The following LOXL3 variants were observed in gnomAD, a reference collection of about 807,000 sequenced individuals.
The protein encoded by LOXL3 is lysyl oxidase like 3.
A neutral mutation model predicts 91.8 loss-of-function variants in LOXL3; 60 were observed. The observed-to-expected ratio is 0.65, with a 90% CI of 0.53 to 0.81. The LOEUF (loss-of-function observed/expected upper bound fraction) is 0.81, where lower values mean the gene tolerates loss of function less well. LOXL3 is among the 30% of genes least tolerant of loss of function. The probability of loss-of-function intolerance (pLI) is 0.00; values close to 1 mark genes in which losing one functional copy is unlikely to be tolerated. For synonymous variants in LOXL3, 355 were observed against 387.6 expected (o/e 0.92, Z 0.99); for missense variants, 874 against 1,000.4 (o/e 0.87, Z 1.70).
chr2:74,544,304 A>C (rs1249182062), intron 4 of LOXL3, among the ~76,000 whole-genome samples: 4 of 151,438 alleles, frequency 2.6e-5, no homozygotes, highest in Non-Finnish European at 5.9e-5. Context: ...CCCTCTCAAA[A>C]AAACAAACAA....
chr2:74,542,771 C>T (rs948627104), intron 4 of LOXL3, among the ~76,000 whole-genome samples: 11 of 151,976 alleles, frequency 7.2e-5, no homozygotes, highest in South Asian at 4.2e-4. Context: ...ATTACAGGCA[C>T]GCACCACCAC....
chr2:74,543,433 A>G (rs1250516381), intron 4 of LOXL3, among the ~76,000 whole-genome samples: 1 of 152,190 alleles, frequency 6.6e-6, no homozygotes, highest in Admixed American at 6.5e-5. Flanking sequence ...AAAGATAATT[A>G]TCTCAGTAAA....
intron 4 of LOXL3, among the ~76,000 whole-genome samples, chr2:74,546,122 T>G (rs925504921): frequency 2.0e-5 from 3 of 152,298 alleles, no homozygotes; most frequent in Admixed American, 2.0e-4. Context: ...GCAAGTCCTA[T>G]AGCTCTGCCT....
intron 4 of LOXL3, among the ~76,000 whole-genome samples, chr2:74,547,556 G>T (rs1676669639): frequency 6.6e-6 from 1 of 152,064 alleles, no homozygotes; most frequent in Admixed American, 6.6e-5. Flanking sequence ...GTCCAGGCCA[G>T]ATAAAGTACC....
chr2:74,540,264 A>T (rs189588356), intron 4 of LOXL3, among the ~76,000 whole-genome samples: 63 of 152,338 alleles, frequency 4.1e-4, no homozygotes, highest in Non-Finnish European at 6.9e-4. Flanking sequence ...GAAATTAGCT[A>T]GGGCAGATGG....
At position 74,533,922 on chromosome 2, in the gene LOXL3, T is replaced by C; in HGVS notation, c.2148A>G (p.Lys716=). ...FTNNAMKCNC[K]YDGHRIWVHN... is the part of the protein sequence containing the mutation. Reference sequence around the variant, plus strand: ...GCACCCAGATTCTATGTCCATCATATTTGCAGTTACATTTCATTGCATTGT... The same window carrying C: ...GCACCCAGATTCTATGTCCATCATACTTGCAGTTACATTTCATTGCATTGT... Residue 716 remains lysine (K), a synonymous_variant, in exon 13 of 14, where the codon AAA becomes AAG. Coordinates refer to ENST00000264094, the MANE Select transcript of LOXL3 (RefSeq NM_032603.5). The C allele has an allele frequency of 6.2e-7, 1 of 1,614,180 alleles. No individual in the cohort carries two copies. The highest frequency in any genetic ancestry group is 8.5e-7 in the Non-Finnish European group (1 of 1,180,016).
At chr2:74,554,606 C>G (rs960451761), upstream of LOXL3, 71 of 704,630 alleles carry the variant, frequency 1.0e-4, no homozygotes, top group South Asian at 2.4e-4. This position sits in a 1 kb window ranked among gnomAD's most constrained non-coding sequence, Gnocchi z 4.9. Context: ...CATTCCTTCT[C>G]GCTCCTCTCC....
chr2:74,535,934 A>G lies in LOXL3; in HGVS notation c.1248+62T>C. The G allele has an allele frequency of 5.9e-6, 9 of 1,515,154 alleles. No individual in the cohort carries two copies. The highest frequency in any genetic ancestry group is 7.9e-6 in the Non-Finnish European group (9 of 1,138,114). The allele number at this position is 1,515,154 out of a possible 1,614,324, so 93.9% of individuals were successfully genotyped here. A position where few individuals can be genotyped will look rare whatever the true frequency, so the allele number is the denominator to read the frequency against. ...TGGGCTGGGGGCCATTGGACTGTAG[A>G]TTGGAGACCAGACCTGGATAGGATG... On this transcript the variant is annotated intron_variant, in intron 7 of 13. Transcript: ENST00000264094. This position sits in a 1 kb window ranked among gnomAD's most constrained non-coding sequence, Gnocchi z 4.2.
Position 74,536,487 on chromosome 2 carries a change from G to T in LOXL3, c.913-16C>A. The stretch of plus-strand genomic sequence containing the variant: ...GGACACGGGCCTATAGAAGAGAGAA[G>T]TGCCCAACAGAGGCAAATGGCAACA... On this transcript the variant is annotated splice_polypyrimidine_tract_variant and intron_variant, in intron 5 of 13. Coordinates refer to ENST00000264094, the MANE Select transcript of LOXL3 (RefSeq NM_032603.5). This position sits in a 1 kb window ranked among gnomAD's most constrained non-coding sequence, Gnocchi z 4.5. 1 of 1,605,724 alleles carries T rather than the reference G, an allele frequency of 6.2e-7. No individual in the cohort carries two copies. Among genetic ancestry groups the T allele is most frequent in the South Asian group, 1.1e-5 (1 of 90,606 alleles).
At chr2:74,539,746 CT>C in intron 4 of LOXL3, 1 of 152,798 alleles carries the variant, frequency 6.5e-6, no homozygotes, top group Middle Eastern at 3.4e-3. Context: ...CATCCACCTC[CT>C]GGGGCCGCAG....
chr2:74,534,011 G>T lies in LOXL3; in HGVS notation c.2077-18C>A, dbSNP rs1309871388. On this transcript the variant is annotated intron_variant, in intron 12 of 13. Transcript: ENST00000264094. ...ATGACAACCTGTGAGTGAGAAAAAG[G>T]CCACTTAACCCAGCGACAATCCTCG... is the stretch of plus-strand genomic sequence containing the variant. 6.2e-7 allele frequency: 1 copy of T among 1,612,358 alleles called. No homozygotes were observed. Among genetic ancestry groups the T allele is most frequent in the African/African-American group, 1.3e-5 (1 of 74,854 alleles).
chr2:74,544,928 C>A (rs1230745173), intron 4 of LOXL3, among the ~76,000 whole-genome samples: 1 of 152,192 alleles, frequency 6.6e-6, no homozygotes, highest in Non-Finnish European at 1.5e-5. Context: ...ATCTCTTTCC[C>A]CACGAAGAAT....
intron 13 of LOXL3, 41 bp downstream of exon 13, chr2:74,533,841 C>T: frequency 1.3e-6 from 2 of 1,534,818 alleles, no homozygotes; most frequent in Middle Eastern, 1.7e-4. Flanking sequence ...TCTTTCCCTC[C>T]CATCCCCTAA....
chr2:74,534,337 C>G lies in LOXL3; in HGVS notation c.1918G>C (p.Glu640Gln). The change falls in exon 11 of 14, where the codon GAA becomes CAA. Residue 640 changes from glutamate to glutamine, a missense_variant. Physicochemically the swap from Glu to Gln is conservative, Grantham distance 29. Coordinates refer to ENST00000264094, the MANE Select transcript of LOXL3 (RefSeq NM_032603.5). ...AEGHKASFCL[E>Q]DTECQEDVSK... is the part of the protein sequence containing the mutation. ...TCACCCTCCTGACACTCAGTGTCTTCGAGACAGAAACTAGCTTTGTGGCCC... is the reference window on the plus strand; with the variant it reads ...TCACCCTCCTGACACTCAGTGTCTTGGAGACAGAAACTAGCTTTGTGGCCC... 1 of 1,614,186 alleles carries G rather than the reference C, an allele frequency of 6.2e-7. No individual in the cohort carries two copies. The highest frequency in any genetic ancestry group is 8.5e-7 in the Non-Finnish European group (1 of 1,180,012).
chr2:74,554,771 T>TGGAA, upstream of LOXL3: 2 of 1,613,420 alleles, frequency 1.2e-6, no homozygotes, highest in Non-Finnish European at 8.5e-7. The surrounding 1 kb of genome is among the most constrained non-coding windows in gnomAD (Gnocchi z 4.9). Flanking sequence ...GGAGCAGTGA[T>TGGAA]GGAAGGGCCG....
upstream of LOXL3, chr2:74,555,525 C>G: frequency 3.1e-6 from 5 of 1,613,264 alleles, no homozygotes; most frequent in Non-Finnish European, 2.5e-6. This position sits in a 1 kb window ranked among gnomAD's most constrained non-coding sequence, Gnocchi z 6.1. Context: ...CAGACCGACC[C>G]CCGCTCCCCG....
In LOXL3 at chr2:74,549,087, G is replaced by C. The variant is rs904796294; in HGVS notation, c.692+282C>G. On this transcript the variant is annotated intron_variant, in intron 4 of 13. Coordinates refer to ENST00000264094, the MANE Select transcript of LOXL3 (RefSeq NM_032603.5). This position sits in a 1 kb window ranked among gnomAD's most constrained non-coding sequence, Gnocchi z 5.3. ...CGCCTGGGAGTGGCCTCGCGAGGCCGGCGCGCGCCCCGGGGCCGAGGAATC... is the reference window on the plus strand; with the variant it reads ...CGCCTGGGAGTGGCCTCGCGAGGCCCGCGCGCGCCCCGGGGCCGAGGAATC... 8 of 285,832 alleles carry C rather than the reference G, an allele frequency of 2.8e-5. No individual in the cohort carries two copies. The South Asian group carries it at 8.1e-4, about 29-fold the overall frequency. The allele number at this position is 285,832 out of a possible 1,614,324, so 17.7% of individuals were successfully genotyped here.
intron 4 of LOXL3, among the ~76,000 whole-genome samples, chr2:74,541,226 A>T (rs1225174487): frequency 6.6e-6 from 1 of 152,258 alleles, no homozygotes; most frequent in African/African-American, 2.4e-5. Flanking sequence ...GGATGTGCAT[A>T]GGTTATATGC....
chr2:74,534,494 T>C (rs373842923), intron 10 of LOXL3, 37 bp downstream of exon 10: 41 of 1,613,376 alleles, frequency 2.5e-5, no homozygotes, highest in African/African-American at 4.0e-5. Flanking sequence ...CCATCCCCCG[T>C]GGTCTTGCCC....
Sources: gnomAD v4.1 joint callset for allele counts (sites outside exome capture counted in the v4.1 genomes callset) on GRCh38, gnomAD v4.1.1 for gene constraint, Gnocchi (gnomAD v3.1) non-coding constraint, MANE v1.5 for transcripts, NCBI Gene and HGNC (gene_info 2026-07-23, HGNC 2026-07-21) for gene names.